Variants in MTDH observed in about 807,000 individuals in gnomAD.
MTDH encodes protein LYRIC.
MTDH carries 34 observed loss-of-function variants against 72.7 expected under a neutral mutation model. The ratio of observed to expected loss-of-function variants is 0.47; its 90% CI spans 0.36 to 0.62. The LOEUF (loss-of-function observed/expected upper bound fraction) is 0.62, where lower values mean the gene tolerates loss of function less well. Among genes scored for constraint, MTDH ranks in the 20% least tolerant of loss-of-function variants. MTDH has a pLI of 0.00. For missense variants in MTDH, 677 were observed against 699.4 expected, an observed-to-expected ratio of 0.97 and a Z score of 0.36; for synonymous variants, 266 against 268.9, an observed-to-expected ratio of 0.99 and a Z score of 0.10.
intron 3 of MTDH, among the ~76,000 whole-genome samples, chr8:97,687,178 C>T (rs1396089744): frequency 6.6e-6 from 1 of 152,040 alleles, no homozygotes; most frequent in East Asian, 1.9e-4. Flanking sequence ...TTATATATAT[C>T]ACTTTTTCTA....
chr8:97,668,025 C>T (rs954064965), intron 2 of MTDH, among the ~76,000 whole-genome samples: 2 of 151,988 alleles, frequency 1.3e-5, no homozygotes, highest in Admixed American at 1.3e-4. Flanking sequence ...CGGTGGCTCA[C>T]GCCTGTAATC....
Position 97,728,490 on chromosome 8 carries a change from A to G in MTDH, c.*3820A>G, listed in dbSNP as rs1240902531. The G allele has an allele frequency of 1.3e-5, 2 of 152,164 alleles. No individual in the cohort carries two copies. The highest frequency in any genetic ancestry group is 4.8e-5 in the African/African-American group (2 of 41,440). 9.4% of individuals were successfully genotyped at this position (152,164 alleles called of 1,614,324 possible). Reference sequence around the variant, plus strand: ...CTATCTTATGTCATTTTAGCAGTAGATGTAGCTGCCTGCCACCAGGTGCAA... The same window carrying G: ...CTATCTTATGTCATTTTAGCAGTAGGTGTAGCTGCCTGCCACCAGGTGCAA... On this transcript the variant is annotated 3_prime_UTR_variant, in exon 12 of 12. Coordinates refer to ENST00000336273, the MANE Select transcript of MTDH (RefSeq NM_178812.4).
At chr8:97,690,240 C>A (rs1386846850) in intron 5 of MTDH, among the ~76,000 whole-genome samples, 3 of 152,054 alleles carry the variant, frequency 2.0e-5, no homozygotes, top group African/African-American at 7.2e-5. Flanking sequence ...ATCTGCCTGC[C>A]CCCAGCCTCC....
intron 7 of MTDH, among the ~76,000 whole-genome samples, chr8:97,701,293 T>C (rs891534994): frequency 5.3e-5 from 8 of 152,122 alleles, no homozygotes; most frequent in African/African-American, 1.9e-4. Flanking sequence ...TGTGATAAAA[T>C]GGCATAGTAT....
In MTDH at chr8:97,644,530, C is replaced by G; in HGVS notation, c.24C>G (p.Asp8Glu). The G allele has an allele frequency of 1.3e-6, 2 of 1,594,280 alleles. No individual in the cohort carries two copies. Among genetic ancestry groups the G allele is most frequent in the Non-Finnish European group, 1.7e-6 (2 of 1,175,268 alleles). Residue 8 changes from aspartate (D) to glutamate (E), a missense_variant, in exon 1 of 12, where the codon GAC (aspartate) becomes GAG (glutamate). Asp to Glu is a conservative substitution (Grantham distance 45). Coordinates refer to ENST00000336273, the MANE Select transcript of MTDH (RefSeq NM_178812.4). ...AGATGGCTGCACGGAGCTGGCAGGA[C>G]GAGCTGGCCCAGCAGGCCGAGGAGG... MAARSWQ[D>E]ELAQQAEEGS...
At chr8:97,687,712 A>G (rs1469487398) in intron 4 of MTDH, 107 bp downstream of exon 4, 5 of 959,690 alleles carry the variant, frequency 5.2e-6, no homozygotes, top group Non-Finnish European at 7.6e-6. Context: ...TGCTAACATC[A>G]TTGTGCTGAT....
intron 2 of MTDH, among the ~76,000 whole-genome samples, chr8:97,679,222 G>GT (rs2130979006): frequency 6.6e-6 from 1 of 152,226 alleles, no homozygotes; most frequent in South Asian, 2.1e-4. Flanking sequence ...ATGGAACTAT[G>GT]TAAGTAATAG....
chr8:97,710,890 CT>C (rs1814603350), intron 8 of MTDH, among the ~76,000 whole-genome samples: 1 of 151,868 alleles, frequency 6.6e-6, no homozygotes, highest in South Asian at 2.1e-4. Context: ...ATCCTAGCTA[CT>C]TGGGAGACTG....
chr8:97,717,826 T>C (rs1000741620), intron 9 of MTDH, among the ~76,000 whole-genome samples: 3 of 150,666 alleles, frequency 2.0e-5, no homozygotes, highest in African/African-American at 7.3e-5. Context: ...CTTGGCTCAC[T>C]GCAACCTTCA....
chr8:97,702,314 G>A (rs1814164486), intron 7 of MTDH, among the ~76,000 whole-genome samples: 1 of 152,190 alleles, frequency 6.6e-6, no homozygotes, highest in African/African-American at 2.4e-5. Flanking sequence ...GAGAGCATGA[G>A]CTTTCAGGAC....
chr8:97,684,156 C>T (rs567670871), intron 2 of MTDH, among the ~76,000 whole-genome samples: 5 of 145,856 alleles, frequency 3.4e-5, no homozygotes, highest in East Asian at 4.0e-4. Context: ...AAAAAAAAAA[C>T]GACTAGTCCA....
At chr8:97,665,073 A>G (rs546057748) in intron 2 of MTDH, among the ~76,000 whole-genome samples, 6 of 152,272 alleles carry the variant, frequency 3.9e-5, no homozygotes, top group African/African-American at 1.2e-4. Flanking sequence ...GCCTTTCCTT[A>G]TAAAGAAATA....
chr8:97,665,106 T>C (rs747803933), intron 2 of MTDH, among the ~76,000 whole-genome samples: 9 of 152,186 alleles, frequency 5.9e-5, no homozygotes, highest in Non-Finnish European at 1.3e-4. Flanking sequence ...TATGCACCTT[T>C]ATATATATTA....
intron 11 of MTDH, 82 bp downstream of exon 11, chr8:97,723,117 G>T: frequency 6.9e-7 from 1 of 1,450,316 alleles, no homozygotes; most frequent in South Asian, 1.4e-5. Context: ...GTCTAATGGA[G>T]GCCAGGCGCA....
intron 1 of MTDH, among the ~76,000 whole-genome samples, chr8:97,646,598 C>G (rs1444201502): frequency 6.6e-6 from 1 of 152,196 alleles, no homozygotes; most frequent in Non-Finnish European, 1.5e-5. Flanking sequence ...GACAGGTTCT[C>G]CAAGAACCCA....
chr8:97,706,633 G>A lies in MTDH; in HGVS notation c.1155G>A (p.Leu385=). 6.2e-7 allele frequency: 1 copy of A among 1,608,476 alleles called. No homozygotes were observed. Among genetic ancestry groups the A allele is most frequent in the Non-Finnish European group, 8.5e-7 (1 of 1,177,842 alleles). ...IDDEWSGLNG[L]SSADPNSDWN... ...CACACTGTTAAATTTTAGATGGTCT[G>A]TCTTCTGCTGATCCCAACTCTGATT... Residue 385 remains leucine, a synonymous_variant, in exon 8 of 12, where the codon CTG becomes CTA. Transcript: ENST00000336273.
intron 9 of MTDH, among the ~76,000 whole-genome samples, chr8:97,714,019 T>A (rs767347554): frequency 3.2e-4 from 48 of 152,340 alleles, no homozygotes; most frequent in Admixed American, 5.2e-4. Context: ...TGCATTTTTT[T>A]ATTATATAAT....
chr8:97,677,704 T>A (rs1178536249), intron 2 of MTDH, among the ~76,000 whole-genome samples: 1 of 152,190 alleles, frequency 6.6e-6, no homozygotes, highest in Non-Finnish European at 1.5e-5. Flanking sequence ...TGCCTAATTA[T>A]ACTGTGCCTT....
At position 97,644,292 on chromosome 8, in the gene MTDH, G is replaced by A. The variant is rs1260074285; in HGVS notation, c.-215G>A. 1.7e-6 allele frequency: 1 copy of A among 581,520 alleles called. No individual in the cohort carries two copies. The highest frequency in any genetic ancestry group is 2.8e-6 in the Non-Finnish European group (1 of 352,382). The allele number at this position is 581,520 out of a possible 1,614,324, so 36.0% of individuals were successfully genotyped here. On this transcript the variant is annotated 5_prime_UTR_variant, in exon 1 of 12. Coordinates refer to ENST00000336273, the MANE Select transcript of MTDH (RefSeq NM_178812.4). ...CTCCCTCCCGCCTCCCGGGTCTCCTGGCGGCGGCGGAGTGAGGCTGACAGC... is the reference window on the plus strand; with the variant it reads ...CTCCCTCCCGCCTCCCGGGTCTCCTAGCGGCGGCGGAGTGAGGCTGACAGC...
Sources: allele counts gnomAD v4.1 joint callset (sites outside exome capture counted in the v4.1 genomes callset), GRCh38; gene constraint gnomAD v4.1.1; transcripts MANE v1.5; gene names NCBI Gene and HGNC (gene_info 2026-07-23, HGNC 2026-07-21).